The following CSMD1 variants were observed in gnomAD, a reference collection of about 807,000 sequenced individuals.
CSMD1 encodes the protein CUB and Sushi multiple domains 1, also known as CUB and sushi domain-containing protein 1.
In CSMD1, 213 loss-of-function variants were observed where a neutral mutation model predicts 417.5. The ratio of observed to expected loss-of-function variants is 0.51; its 90% CI spans 0.46 to 0.57. The LOEUF is 0.57. Ranked by LOEUF, CSMD1 falls within the 20% of genes least tolerant of loss-of-function variation. CSMD1 has a pLI of 0.00. For missense variants in CSMD1, 6,923 were observed against 4,529.7 expected (o/e 1.53, Z -15.17); for synonymous variants, 2,862 against 1,736.8 (o/e 1.65, Z -16.11).
At chr8:3,592,971 C>T (rs1039178447) in intron 8 of CSMD1, among the ~76,000 whole-genome samples, 15 of 152,188 alleles carry the variant, frequency 9.9e-5, no homozygotes, top group Admixed American at 5.2e-4. Flanking sequence ...TGGCCCTCCC[C>T]GCAGGCACCC....
chr8:4,039,945 T>C lies in CSMD1; in HGVS notation c.416-7846A>G, dbSNP rs892916958. Among the ~76,000 whole-genome samples the C allele has an allele frequency of 4.6e-5, 7 of 152,200 alleles. No homozygotes were observed. The South Asian group carries it at 1.0e-3, about 23-fold the overall frequency. On this transcript the variant is annotated intron_variant, in intron 3 of 69. Transcript: ENST00000635120. ...AAGTAAAGCTTACTCTTGGGTTTAT[T>C]ATAGAGAATTGTAAAAAGATATCAC...
At chr8:4,335,426 A>C (rs972034074) in intron 3 of CSMD1, among the ~76,000 whole-genome samples, 2 of 152,118 alleles carry the variant, frequency 1.3e-5, no homozygotes, top group African/African-American at 4.8e-5. Flanking sequence ...GAAACACACC[A>C]GAAACTCGTT....
At chr8:4,301,317 T>C (rs1451798438) in intron 3 of CSMD1, among the ~76,000 whole-genome samples, 1 of 152,238 alleles carries the variant, frequency 6.6e-6, no homozygotes, top group Non-Finnish European at 1.5e-5. Flanking sequence ...ACCAGTGCCA[T>C]GACCTTTATA....
At chr8:4,570,320 C>A (rs1798822425) in intron 2 of CSMD1, among the ~76,000 whole-genome samples, 2 of 152,052 alleles carry the variant, frequency 1.3e-5, no homozygotes, top group Admixed American at 1.3e-4. Flanking sequence ...TCCGTCAATA[C>A]CTAGTTTATT....
chr8:3,172,942 T>C (rs1820675458), intron 37 of CSMD1, among the ~76,000 whole-genome samples: 1 of 152,200 alleles, frequency 6.6e-6, no homozygotes, highest in Non-Finnish European at 1.5e-5. Context: ...GTGACGTTAC[T>C]GATAGGACCT....
At chr8:3,773,460 T>G (rs772011773) in intron 5 of CSMD1, among the ~76,000 whole-genome samples, 13 of 152,066 alleles carry the variant, frequency 8.5e-5, no homozygotes, top group Non-Finnish European at 1.8e-4. Flanking sequence ...CTAATTATTG[T>G]ATTTTTTGTA....
intron 3 of CSMD1, among the ~76,000 whole-genome samples, chr8:4,245,139 T>C (rs548812045): frequency 2.6e-5 from 4 of 152,324 alleles, no homozygotes; most frequent in South Asian, 2.1e-4. Context: ...GAATGTTCCA[T>C]GGAAATGCCT....
chr8:4,937,121 G>C (rs1430957157), intron 1 of CSMD1, among the ~76,000 whole-genome samples: 1 of 152,178 alleles, frequency 6.6e-6, no homozygotes, highest in Non-Finnish European at 1.5e-5. Context: ...GCTGAAGGTG[G>C]AGGACTGCTT....
chr8:4,859,596 G>C (rs566818126), intron 1 of CSMD1, among the ~76,000 whole-genome samples: 1 of 151,898 alleles, frequency 6.6e-6, no homozygotes, highest in Non-Finnish European at 1.5e-5. Context: ...AAAAGTGGGC[G>C]AAGGACATGA....
intron 12 of CSMD1, among the ~76,000 whole-genome samples, chr8:3,440,095 C>A (rs1371504609): frequency 6.6e-6 from 1 of 152,116 alleles, no homozygotes; most frequent in Admixed American, 6.5e-5. Flanking sequence ...GGTGCTTTTC[C>A]CACTCAATTT....
chr8:4,967,093 G>A lies in CSMD1; in HGVS notation c.85+27239C>T, dbSNP rs375208405. 6.2e-4 allele frequency among the ~76,000 whole-genome samples: 94 copies of A among 152,220 alleles called. 2 individuals are homozygous for A. The East Asian group carries it at 8.3e-3, about 13-fold the overall frequency. ...AATTAGTCACTGATTTGAAATGTCT[G>A]AGCAGATAAATTTGTCTTAAAAAAA... On this transcript the variant is annotated intron_variant, in intron 1 of 69. Transcript: ENST00000635120.
intron 2 of CSMD1, among the ~76,000 whole-genome samples, chr8:4,421,768 A>G (rs1585048939): frequency 6.6e-6 from 1 of 151,992 alleles, no homozygotes; most frequent in Admixed American, 6.6e-5. Context: ...TATTGCAAGA[A>G]CTATAAAAGA....
At chr8:4,156,266 G>A (rs979319309) in intron 3 of CSMD1, among the ~76,000 whole-genome samples, 3 of 152,108 alleles carry the variant, frequency 2.0e-5, no homozygotes, top group Non-Finnish European at 4.4e-5. Flanking sequence ...TTTAATTATG[G>A]CTAAAGAGTT....
chr8:3,431,344 T>C (rs949457438), intron 12 of CSMD1, among the ~76,000 whole-genome samples: 5 of 152,180 alleles, frequency 3.3e-5, no homozygotes, highest in African/African-American at 1.2e-4. Context: ...GGCAGTAACT[T>C]GGAGAGTGAA....
chr8:4,389,291 A>G (rs1803684701), intron 3 of CSMD1, among the ~76,000 whole-genome samples: 1 of 152,174 alleles, frequency 6.6e-6, no homozygotes, highest in Non-Finnish European at 1.5e-5. Context: ...AGAATTAGAA[A>G]ATGCGATCAT....
chr8:4,458,559 C>A (rs534996642), intron 2 of CSMD1, among the ~76,000 whole-genome samples: 1 of 151,956 alleles, frequency 6.6e-6, no homozygotes, highest in Admixed American at 6.6e-5. Context: ...AACTGTTACT[C>A]TTTGAAAGAC....
chr8:3,639,928 C>A (rs768489194), intron 7 of CSMD1, among the ~76,000 whole-genome samples: 7 of 152,064 alleles, frequency 4.6e-5, no homozygotes, highest in African/African-American at 1.4e-4. Flanking sequence ...TAGTTAAAAG[C>A]CAGATAAGAA....
intron 23 of CSMD1, among the ~76,000 whole-genome samples, chr8:3,309,067 G>T (rs1198155705): frequency 6.6e-6 from 1 of 152,064 alleles, no homozygotes; most frequent in African/African-American, 2.4e-5. Context: ...TCATCTGTCA[G>T]TCCAAGCCTC....
At chr8:3,464,552 T>C (rs1563064395) in intron 12 of CSMD1, among the ~76,000 whole-genome samples, 1 of 150,564 alleles carries the variant, frequency 6.6e-6, no homozygotes, top group East Asian at 1.9e-4. Flanking sequence ...TTTATATGGA[T>C]TCTATCTATT....
Sources: allele counts gnomAD v4.1 joint callset (sites outside exome capture counted in the v4.1 genomes callset), GRCh38; gene constraint gnomAD v4.1.1; transcripts MANE v1.5; gene names NCBI Gene and HGNC (gene_info 2026-07-23, HGNC 2026-07-21).